Variants in PAK5 observed in about 807,000 individuals in gnomAD.
PAK5 encodes p21 (RAC1) activated kinase 5.
Under a neutral mutation model 65.9 loss-of-function variants are expected in PAK5, and 16 were observed. The ratio of observed to expected loss-of-function variants is 0.24; its 90% CI spans 0.16 to 0.37. PAK5 has a LOEUF of 0.37. Among genes scored for constraint, PAK5 ranks in the 10% least tolerant of loss-of-function variants. The probability of loss-of-function intolerance (pLI) is 1.00; values close to 1 mark genes in which losing one functional copy is unlikely to be tolerated. For missense variants in PAK5, 785 were observed against 903.9 expected (o/e 0.87, Z 1.69); for synonymous variants, 371 against 354.9 (o/e 1.05, Z -0.51).
In PAK5 at chr20:9,554,568, T is replaced by C. The variant is rs183459695; in HGVS notation, c.1743+3040A>G. ...GACAATACTAAAATGACTGTTGACT[T>C]AAGACTCTAAATGTTGAGATGCTTC... On this transcript the variant is annotated intron_variant, in intron 7 of 9. Transcript: ENST00000353224. Among the ~76,000 whole-genome samples the C allele has an allele frequency of 6.1e-4, 93 of 152,332 alleles. No individual in the cohort carries two copies. The Middle Eastern group carries it at 0.01, about 17-fold the overall frequency.
At chr20:9,794,984 A>G (rs2049089752) in intron 1 of PAK5, among the ~76,000 whole-genome samples, 1 of 151,822 alleles carries the variant, frequency 6.6e-6, no homozygotes, top group Non-Finnish European at 1.5e-5. Flanking sequence ...CTCAACACAC[A>G]CTGCTTACAA....
intron 1 of PAK5, among the ~76,000 whole-genome samples, chr20:9,824,969 T>A (rs2049466990): frequency 6.6e-6 from 1 of 152,202 alleles, no homozygotes; most frequent in African/African-American, 2.4e-5. Context: ...TTGGGAATGT[T>A]CATTGTAACA....
intron 1 of PAK5, among the ~76,000 whole-genome samples, chr20:9,772,767 G>A (rs1329013450): frequency 6.6e-6 from 1 of 152,204 alleles, no homozygotes; most frequent in African/African-American, 2.4e-5. Context: ...TCCTCCAGCA[G>A]AGACTTTCCT....
chr20:9,803,672 G>C (rs1053545695), intron 1 of PAK5, among the ~76,000 whole-genome samples: 1 of 152,132 alleles, frequency 6.6e-6, no homozygotes, highest in African/African-American at 2.4e-5. Context: ...TTATATATCT[G>C]CATTAAAGTA....
chr20:9,618,254 C>T (rs1279972006), intron 3 of PAK5, among the ~76,000 whole-genome samples: 1 of 152,006 alleles, frequency 6.6e-6, no homozygotes, highest in African/African-American at 2.4e-5. Context: ...TCAGGTACCC[C>T]CCCAAGTTTT....
intron 5 of PAK5, 91 bp downstream of exon 5, chr20:9,565,802 C>A: frequency 7.7e-7 from 1 of 1,305,570 alleles, no homozygotes; most frequent in Non-Finnish European, 1.1e-6. Context: ...CAGTGCTTTT[C>A]TAATGTCCTA....
Position 9,725,635 on chromosome 20 carries a change from T to C in PAK5, c.-161-14200A>G, listed in dbSNP as rs936045582. Among the ~76,000 whole-genome samples the C allele has an allele frequency of 3.3e-5, 5 of 152,206 alleles. No homozygotes were observed. In the East Asian group the frequency reaches 5.8e-4, roughly 18 times the overall value. On this transcript the variant is annotated intron_variant, in intron 1 of 9. Coordinates refer to ENST00000353224, the MANE Select transcript of PAK5 (RefSeq NM_177990.4). ...AATTTAATTAATGAAGAAAAGTGAA[T>C]CATGAACATGGGGAAATATTTAAAT...
At chr20:9,697,298 A>AT (rs1368004882) in intron 2 of PAK5, among the ~76,000 whole-genome samples, 1 of 152,018 alleles carries the variant, frequency 6.6e-6, no homozygotes, top group Non-Finnish European at 1.5e-5. Flanking sequence ...GAAACAATAG[A>AT]TTTTATCCTT....
At chr20:9,628,610 A>G (rs1407322301) in intron 3 of PAK5, among the ~76,000 whole-genome samples, 1 of 152,198 alleles carries the variant, frequency 6.6e-6, no homozygotes, top group Non-Finnish European at 1.5e-5. Context: ...GAAGGTGAAG[A>G]CCAAATACTG....
At chr20:9,701,166 T>TTC in intron 2 of PAK5, among the ~76,000 whole-genome samples, 1 of 152,322 alleles carries the variant, frequency 6.6e-6, no homozygotes, top group Admixed American at 6.5e-5. Context: ...TCATTCACAT[T>TTC]TCTCTCTATA....
At chr20:9,585,409 A>T (rs1568980785) in intron 3 of PAK5, among the ~76,000 whole-genome samples, 1 of 152,192 alleles carries the variant, frequency 6.6e-6, no homozygotes, top group Non-Finnish European at 1.5e-5. Context: ...TTTCTATGGT[A>T]TGCTTTAGAC....
intron 3 of PAK5, among the ~76,000 whole-genome samples, chr20:9,616,481 C>A (rs1287819769): frequency 6.6e-6 from 1 of 152,312 alleles, no homozygotes; most frequent in East Asian, 1.9e-4. Flanking sequence ...TCGGCTAAAG[C>A]CTTTGTGTTC....
chr20:9,573,870 A>T (rs1355209273), intron 4 of PAK5, among the ~76,000 whole-genome samples: 1 of 152,140 alleles, frequency 6.6e-6, no homozygotes, highest in Admixed American at 6.5e-5. Context: ...CCTGAATGTG[A>T]TGCTCCAATA....
chr20:9,551,035 G>A (rs1382732063), intron 7 of PAK5, among the ~76,000 whole-genome samples: 2 of 152,028 alleles, frequency 1.3e-5, no homozygotes, highest in African/African-American at 4.8e-5. Context: ...ATTGAAACTC[G>A]ACACTTGGAA....
intron 1 of PAK5, among the ~76,000 whole-genome samples, chr20:9,820,009 G>A (rs1314253758): frequency 6.6e-6 from 1 of 152,088 alleles, no homozygotes; most frequent in Non-Finnish European, 1.5e-5. Flanking sequence ...GGAAGAAATG[G>A]CACCAGGATA....
chr20:9,604,064 A>G (rs2046407583), intron 3 of PAK5, among the ~76,000 whole-genome samples: 1 of 152,278 alleles, frequency 6.6e-6, no homozygotes, highest in Non-Finnish European at 1.5e-5. Context: ...CACACCTGAT[A>G]GCAATAACTT....
chr20:9,732,364 G>A (rs1289768476), intron 1 of PAK5, among the ~76,000 whole-genome samples: 4 of 151,994 alleles, frequency 2.6e-5, no homozygotes, highest in African/African-American at 9.7e-5. Flanking sequence ...AAACATAAAT[G>A]GAAAAAGTTA....
At chr20:9,583,026 A>G (rs1241725037) in intron 3 of PAK5, among the ~76,000 whole-genome samples, 1 of 152,078 alleles carries the variant, frequency 6.6e-6, no homozygotes. Flanking sequence ...CTTCCCCCCA[A>G]ATCAGGCATT....
At chr20:9,750,930 C>T (rs894329798) in intron 1 of PAK5, among the ~76,000 whole-genome samples, 1 of 152,136 alleles carries the variant, frequency 6.6e-6, no homozygotes, top group Non-Finnish European at 1.5e-5. Flanking sequence ...CAAGCCCAGG[C>T]CACATGTCTG....
Sources: allele counts gnomAD v4.1 joint callset (sites outside exome capture counted in the v4.1 genomes callset), GRCh38; gene constraint gnomAD v4.1.1; transcripts MANE v1.5; gene names NCBI Gene and HGNC (gene_info 2026-07-23, HGNC 2026-07-21).